SEC16B: variants seen among roughly 807,000 people sequenced by gnomAD.
SEC16B encodes protein transport protein Sec16B.
Under a neutral mutation model 141.8 loss-of-function variants are expected in SEC16B, and 115 were observed. The observed-to-expected ratio is 0.81, with a 90% confidence interval of 0.70 to 0.95. SEC16B has a LOEUF of 0.95. Ranked by LOEUF, SEC16B falls within the 40% of genes least tolerant of loss-of-function variation. The pLI, the probability that SEC16B is intolerant of heterozygous loss-of-function variation, is 0.00. For missense variants in SEC16B, 1,291 were observed against 1,312.3 expected (o/e 0.98, Z 0.25); for synonymous variants, 493 against 492.5 (o/e 1.00, Z -0.01).
chr1:177,978,553 A>G (rs1654269829), intron 1 of SEC16B, among the ~76,000 whole-genome samples: 1 of 151,962 alleles, frequency 6.6e-6, no homozygotes, highest in Admixed American at 6.6e-5. Context: ...AAAAAGAAAA[A>G]ATTAATTGGG....
intron 1 of SEC16B, among the ~76,000 whole-genome samples, chr1:177,983,722 G>A (rs1195327304): frequency 1.3e-5 from 2 of 152,150 alleles, no homozygotes; most frequent in East Asian, 1.9e-4. Flanking sequence ...TATAGCTTGA[G>A]AGCAAAAGTT....
chr1:177,940,624 G>C lies in SEC16B; in HGVS notation c.2113C>G (p.Arg705Gly), dbSNP rs768428875. The C allele has an allele frequency of 3.7e-6, 6 of 1,613,390 alleles. No homozygotes were observed. The Admixed American group carries it at 6.7e-5, about 18-fold the overall frequency. Residue 705 changes from arginine to glycine, a missense_variant, in exon 17 of 26, where the codon CGG becomes GGG. Physicochemically the swap from Arg to Gly is moderately radical, Grantham distance 125 (BLOSUM62 -2). This residue lies in a region of SEC16B where 605 missense variants were observed against 614.1 expected (regional missense o/e 0.99). Coordinates refer to ENST00000308284, the MANE Select transcript of SEC16B (RefSeq NM_033127.4). ...ATCCCACTCACCTCCAGCTGCCTCC[G>C]AAGTTGCGCTAGCCAATCTGGCTCC... ...DLEPDWLAQL[R>G]RQLEQKVAGD...
chr1:177,967,317 A>G (rs778625306), intron 2 of SEC16B, among the ~76,000 whole-genome samples: 8 of 152,178 alleles, frequency 5.3e-5, no homozygotes, highest in Non-Finnish European at 1.0e-4. Context: ...GATCTCCAAG[A>G]AAAGCTTTTC....
At position 177,967,996 on chromosome 1, in the gene SEC16B, A is replaced by G; in HGVS notation, c.-15T>C. 6.3e-7 allele frequency: 1 copy of G among 1,584,310 alleles called. No homozygotes were observed. The highest frequency in any genetic ancestry group is 1.1e-5 in the South Asian group (1 of 88,860). On this transcript the variant is annotated 5_prime_UTR_variant, in exon 2 of 26. Transcript: ENST00000308284. ...CAAAGTTCCATCCTTGACTCTCTGA[A>G]TTTGTCCTGGGTTTTGAGTAAGTTG...
At chr1:177,949,465 G>A (rs907292453) in intron 12 of SEC16B, among the ~76,000 whole-genome samples, 1 of 150,086 alleles carries the variant, frequency 6.7e-6, no homozygotes, top group Non-Finnish European at 1.5e-5. Context: ...CTGTCTCCTC[G>A]CTGGTGATTT....
rs762037708 is a variant in SEC16B, at chr1:177,958,450, T to G, written c.1135-88A>C. The stretch of plus-strand genomic sequence containing the variant: ...TGGAGAAGGAAGGCACCAGGGAGCC[T>G]GCCTTCTTCACATGGAAGCCAATTA... On this transcript the variant is annotated intron_variant, in intron 9 of 25. Coordinates refer to ENST00000308284, the MANE Select transcript of SEC16B (RefSeq NM_033127.4). 150 of 1,102,964 alleles carry G rather than the reference T, an allele frequency of 1.4e-4. No homozygotes were observed. In the South Asian group the frequency reaches 1.7e-3, roughly 12 times the overall value. The allele number at this position is 1,102,964 out of a possible 1,614,324, so 68.3% of individuals were successfully genotyped here. A position where few individuals can be genotyped will look rare whatever the true frequency, so the allele number is the denominator to read the frequency against.
chr1:177,961,654 G>C lies in SEC16B; in HGVS notation c.723C>G (p.Tyr241Ter), dbSNP rs200039773. ...CATCCCGCTCCGGGGCATCTCTGAT[G>C]TACTGACTGAGCTCATAGCTGCTGG... ...LSSSSYELSQ[Y>*]IRDAPERDDP... The change falls in exon 6 of 26, where the codon TAC (tyrosine) becomes TAG (stop). Residue 241 changes from tyrosine to a stop codon, truncating the protein, a stop_gained. Transcript: ENST00000308284. LOFTEE classifies it high-confidence loss of function. The C allele has an allele frequency of 1.9e-5, 30 of 1,614,016 alleles. No homozygotes were observed. Among genetic ancestry groups the C allele is most frequent in the Non-Finnish European group, 2.4e-5 (28 of 1,179,876 alleles).
chr1:177,969,811 G>C (rs956599090), intron 1 of SEC16B, 73 bp downstream of exon 1: 5 of 152,146 alleles, frequency 3.3e-5, no homozygotes, highest in Non-Finnish European at 7.3e-5. Context: ...AGGCAATCTT[G>C]CCTTTCCTAA....
intron 1 of SEC16B, among the ~76,000 whole-genome samples, chr1:177,977,810 T>C (rs965753855): frequency 6.6e-6 from 1 of 152,204 alleles, no homozygotes; most frequent in Non-Finnish European, 1.5e-5. Context: ...TGGTTTTAAC[T>C]ACACCATTTG....
rs116746965 is a variant in SEC16B, at chr1:177,958,199, G to A, written c.1298C>T (p.Pro433Leu). The A allele has an allele frequency of 6.0e-4, 959 of 1,598,096 alleles. 6 individuals are homozygous for A. The African/African-American group carries it at 0.011, about 19-fold the overall frequency. The change falls in exon 10 of 26, where the codon CCC becomes CTC. Residue 433 changes from proline (P) to leucine (L), a missense_variant. Coordinates refer to ENST00000308284, the MANE Select transcript of SEC16B (RefSeq NM_033127.4). ...TPNLLTGEIP[P>L]SVETPAQIVE... The stretch of plus-strand genomic sequence containing the variant: ...GATCTGCGCAGGTGTCTCCACACTG[G>A]GGGGGATCTCTCCCGTGAGCAGGTT...
rs202187751 is a variant in SEC16B, at chr1:177,967,861, G to C, written c.121C>G (p.His41Asp). 339 of 1,613,978 alleles carry C rather than the reference G, an allele frequency of 2.1e-4. 2 individuals are homozygous for C. In the East Asian group the frequency reaches 2.1e-3, roughly 10 times the overall value. Residue 41 changes from histidine to aspartate, a missense_variant, in exon 2 of 26, where the codon CAC becomes GAC. This residue lies in a region of SEC16B where 681 missense variants were observed against 675.5 expected (regional missense o/e 1.01). Transcript: ENST00000308284. ...GHHRPVPHSWHNGERFHQWQD... is the reference protein window; with the variant it reads ...GHHRPVPHSWDNGERFHQWQD... The stretch of plus-strand genomic sequence containing the variant: ...CATTGGTGAAACCTCTCTCCATTGT[G>C]CCAAGAGTGAGGGACAGGCCGATGA...
At chr1:177,961,558 C>T in intron 6 of SEC16B, 32 bp downstream of exon 6, 1 of 1,581,008 alleles carries the variant, frequency 6.3e-7, no homozygotes, top group Non-Finnish European at 8.6e-7. Flanking sequence ...ACATCAGATT[C>T]AATCAACTCT....
intron 24 of SEC16B, 71 bp downstream of exon 24, chr1:177,932,419 C>A: frequency 8.4e-7 from 1 of 1,192,056 alleles, no homozygotes; most frequent in Non-Finnish European, 1.2e-6. Flanking sequence ...GCACTGCCCA[C>A]ACTGAAGGTT....
intron 15 of SEC16B, among the ~76,000 whole-genome samples, chr1:177,942,377 C>T (rs991564322): frequency 2.0e-5 from 3 of 152,132 alleles, no homozygotes; most frequent in South Asian, 2.1e-4. Flanking sequence ...AGGCACAAGA[C>T]GGACATTAAA....
rs765011632 is a variant in SEC16B at position 177,938,044 on chromosome 1, G to A, written c.2204-531C>T. Among the ~76,000 whole-genome samples, 8 of 152,252 alleles carry A rather than the reference G, an allele frequency of 5.3e-5. No homozygotes were observed. In the South Asian group the frequency reaches 1.5e-3, roughly 28 times the overall value. On this transcript the variant is annotated intron_variant, in intron 18 of 25. Coordinates refer to ENST00000308284, the MANE Select transcript of SEC16B (RefSeq NM_033127.4). ...CCCCTACACCTTAAGAAAAAACTGC[G>A]TTCTCACGGCCACAAGGTTTTTTTT...
In SEC16B at chr1:177,944,571, G is replaced by A; in HGVS notation, c.1871C>T (p.Pro624Leu). Residue 624 changes from proline (P) to leucine (L), a missense_variant, in exon 15 of 26, where the codon CCT becomes CTT. Coordinates refer to ENST00000308284, the MANE Select transcript of SEC16B (RefSeq NM_033127.4). ...QMLGRPKSFI[P>L]SFQVYKLLYA... Reference sequence around the variant, plus strand: ...TCTGGGCTCAGTTACCTGGAAAGAAGGGATGAAGGATTTGGGGCGGCCCAG... The same window carrying A: ...TCTGGGCTCAGTTACCTGGAAAGAAAGGATGAAGGATTTGGGGCGGCCCAG... 1 of 1,613,402 alleles carries A rather than the reference G, an allele frequency of 6.2e-7. No homozygotes were observed. Among genetic ancestry groups the A allele is most frequent in the Non-Finnish European group, 8.5e-7 (1 of 1,179,488 alleles).
At chr1:177,950,979 AGGGAG>A (rs1468352364) in intron 12 of SEC16B, among the ~76,000 whole-genome samples, 2 of 45,956 alleles carry the variant, frequency 4.4e-5, no homozygotes, top group African/African-American at 8.9e-5. Flanking sequence ...GAAGGGAGGG[AGGGAG>A]GGGAGGGGAG....
chr1:177,964,209 A>G lies in SEC16B; in HGVS notation c.604T>C (p.Phe202Leu), dbSNP rs1370344327. 6.2e-7 allele frequency: 1 copy of G among 1,613,580 alleles called. No individual in the cohort carries two copies. Among genetic ancestry groups the G allele is most frequent in the Non-Finnish European group, 8.5e-7 (1 of 1,179,678 alleles). The change falls in exon 5 of 26, where the codon TTT (phenylalanine) becomes CTT (leucine). Residue 202 changes from phenylalanine to leucine, a missense_variant. Phe to Leu is a conservative substitution (Grantham distance 22). This residue lies in a region of SEC16B where 681 missense variants were observed against 675.5 expected (regional missense o/e 1.01). Transcript: ENST00000308284. ...NSGQEWPGEL[F>L]PGSLLAEAQK... ...GCCTCAGCAAGCAGGCTCCCTGGAA[A>G]CAGCTCCCCCGGCCACTCCTGTCCA...
intron 11 of SEC16B, 66 bp from the exon 12 acceptor site, chr1:177,952,061 G>A (rs774103040): frequency 7.5e-7 from 1 of 1,329,130 alleles, no homozygotes; most frequent in Non-Finnish European, 1.1e-6. Flanking sequence ...TGCCCACAAG[G>A]CTCAGGGCCT....
Sources: gnomAD v4.1 joint callset for allele counts (sites outside exome capture counted in the v4.1 genomes callset) on GRCh38, gnomAD v4.1.1 for gene constraint, gnomAD v4.1.1 regional missense constraint, MANE v1.5 for transcripts, NCBI Gene and HGNC (gene_info 2026-07-23, HGNC 2026-07-21) for gene names.